FNDC3A: variants seen among roughly 807,000 people sequenced by gnomAD.
The protein encoded by FNDC3A is fibronectin type-III domain-containing protein 3A.
A neutral mutation model predicts 148.9 loss-of-function variants in FNDC3A; 32 were observed. That is an observed-to-expected ratio of 0.21 (90% CI 0.16 to 0.29). The LOEUF (loss-of-function observed/expected upper bound fraction) is 0.29, where lower values mean the gene tolerates loss of function less well. Ranked by LOEUF, FNDC3A falls within the 10% of genes least tolerant of loss-of-function variation. The pLI is 1.00. For synonymous variants in FNDC3A, 472 were observed against 473.6 expected, an observed-to-expected ratio of 1.00 and a Z score of 0.04; for missense variants, 1,191 against 1,452.8, an observed-to-expected ratio of 0.82 and a Z score of 2.93.
At chr13:49,185,824 C>G (rs1885538461) in intron 14 of FNDC3A, 140 bp from the exon 15 acceptor site, 1 of 633,952 alleles carries the variant, frequency 1.6e-6, no homozygotes, top group Non-Finnish European at 2.8e-6. Context: ...AAGCAATTCT[C>G]AAAGAACAAG....
chr13:49,182,629 T>G (rs954028485), intron 14 of FNDC3A, among the ~76,000 whole-genome samples: 1 of 152,184 alleles, frequency 6.6e-6, no homozygotes, highest in African/African-American at 2.4e-5. Flanking sequence ...CTTTAGATAC[T>G]TTCACTTTCA....
At chr13:49,159,515 C>T (rs551280771) in intron 8 of FNDC3A, among the ~76,000 whole-genome samples, 15 of 152,246 alleles carry the variant, frequency 9.9e-5, no homozygotes, top group South Asian at 4.1e-4. Flanking sequence ...AAGGAGGTTT[C>T]GGGCTGAGAC....
Position 49,006,200 on chromosome 13 carries a change from C to T in FNDC3A, c.10C>T (p.His4Tyr). 1 of 1,588,040 alleles carries T rather than the reference C, an allele frequency of 6.3e-7. No individual in the cohort carries two copies. Among genetic ancestry groups the T allele is most frequent in the Non-Finnish European group, 8.6e-7 (1 of 1,158,720 alleles). ...TAATGTCTTATTGATAATGGCAGAA[C>T]ATCCACCACTACTGGATACAACTCA... MAE[H>Y]PPLLDTTQIL... is the part of the protein sequence containing the mutation. The change falls in exon 2 of 26, where the codon CAT becomes TAT. Residue 4 changes from histidine to tyrosine, a missense_variant. Coordinates refer to ENST00000492622, the MANE Select transcript of FNDC3A (RefSeq NM_001079673.2).
intron 2 of FNDC3A, among the ~76,000 whole-genome samples, chr13:49,029,660 C>G (rs902792631): frequency 6.6e-6 from 1 of 152,052 alleles, no homozygotes; most frequent in Non-Finnish European, 1.5e-5. Context: ...ATTGCCAACC[C>G]TTTTAAGTAG....
rs757183242 is a variant in FNDC3A at position 49,174,431 on chromosome 13, G to A, written c.1231-4G>A. 6 of 1,607,812 alleles carry A rather than the reference G, an allele frequency of 3.7e-6. No homozygotes were observed. The highest frequency in any genetic ancestry group is 2.2e-5 in the East Asian group (1 of 44,784). On this transcript the variant is annotated splice_region_variant and splice_polypyrimidine_tract_variant and intron_variant, in intron 11 of 25. Transcript: ENST00000492622. ...GGTATATAATAATCAGCCATTTCTT[G>A]TAGGGAAAAGGAAATGGAGAATTTT...
At chr13:49,200,420 T>C in intron 23 of FNDC3A, among the ~76,000 whole-genome samples, 1 of 152,190 alleles carries the variant, frequency 6.6e-6, no homozygotes, top group East Asian at 1.9e-4. Flanking sequence ...ATGTAATCTT[T>C]GTAGCCTTAT....
At chr13:49,059,863 C>T (rs1876536646) in intron 2 of FNDC3A, among the ~76,000 whole-genome samples, 1 of 152,148 alleles carries the variant, frequency 6.6e-6, no homozygotes. Context: ...GGGCAAATGA[C>T]TTGAAAAACT....
chr13:49,207,281 C>T lies in FNDC3A; in HGVS notation c.3483C>T (p.Ser1161=). Residue 1161 remains serine (S), a synonymous_variant, in exon 26 of 26, where the codon AGC becomes AGT. Coordinates refer to ENST00000492622, the MANE Select transcript of FNDC3A (RefSeq NM_001079673.2). ...PASTNRDTVE[S]TRTRRALSDE... ...GCACCAACAGAGACACTGTGGAAAG[C>T]ACAAGGACCCGACGGGCACTGAGTG... 6.2e-7 allele frequency: 1 copy of T among 1,614,210 alleles called. No homozygotes were observed. The highest frequency in any genetic ancestry group is 8.5e-7 in the Non-Finnish European group (1 of 1,180,002).
At chr13:49,087,582 A>G (rs1878897961) in intron 3 of FNDC3A, among the ~76,000 whole-genome samples, 1 of 152,152 alleles carries the variant, frequency 6.6e-6, no homozygotes, top group East Asian at 1.9e-4. Context: ...GAAAGATTAG[A>G]TAATTTTAAA....
intron 9 of FNDC3A, among the ~76,000 whole-genome samples, chr13:49,167,970 G>A (rs886817426): frequency 4.6e-5 from 7 of 151,930 alleles, no homozygotes; most frequent in African/African-American, 9.7e-5. Context: ...TTTAGGGTTC[G>A]GGATACCAAG....
chr13:49,131,497 C>G, intron 5 of FNDC3A, 123 bp downstream of exon 5: 1 of 753,140 alleles, frequency 1.3e-6, no homozygotes, highest in Non-Finnish European at 2.3e-6. Context: ...AGGCATTTTT[C>G]TTTTACTCAA....
intron 7 of FNDC3A, 92 bp downstream of exon 7, chr13:49,138,897 T>C: frequency 1.5e-6 from 1 of 664,150 alleles, no homozygotes. Flanking sequence ...CTTTTAACTT[T>C]TTATGAAAAT....
intron 7 of FNDC3A, among the ~76,000 whole-genome samples, chr13:49,142,457 C>T (rs1882743258): frequency 6.6e-6 from 1 of 152,128 alleles, no homozygotes; most frequent in African/African-American, 2.4e-5. Flanking sequence ...TTTATTATTT[C>T]ACTATAAGTT....
chr13:49,101,694 G>A (rs1365186033), intron 3 of FNDC3A, among the ~76,000 whole-genome samples: 2 of 151,490 alleles, frequency 1.3e-5, no homozygotes, highest in African/African-American at 4.9e-5. Flanking sequence ...TGTTCATTTT[G>A]CAACTATATT....
intron 3 of FNDC3A, among the ~76,000 whole-genome samples, chr13:49,078,816 G>A (rs1307910910): frequency 6.6e-6 from 1 of 152,174 alleles, no homozygotes; most frequent in Admixed American, 6.5e-5. Context: ...CAGATAACAA[G>A]GAGAAAGAGA....
intron 1 of FNDC3A, among the ~76,000 whole-genome samples, chr13:49,002,703 C>G (rs1353107712): frequency 6.6e-6 from 1 of 152,096 alleles, no homozygotes; most frequent in African/African-American, 2.4e-5. Context: ...AATTATGTAG[C>G]CTGTATTCTT....
intron 7 of FNDC3A, 47 bp from the exon 8 acceptor site, chr13:49,145,731 T>C (rs1328556956): frequency 6.7e-7 from 1 of 1,485,920 alleles, no homozygotes; most frequent in Admixed American, 1.7e-5. Context: ...GCTCATTGTA[T>C]ACATTACAGT....
intron 4 of FNDC3A, 115 bp downstream of exon 4, chr13:49,114,846 T>A: frequency 1.3e-6 from 1 of 782,566 alleles, no homozygotes; most frequent in Non-Finnish European, 2.2e-6. Flanking sequence ...TACCAAGTGT[T>A]GTGTATCTAT....
chr13:49,115,120 A>G (rs17476884), intron 4 of FNDC3A, among the ~76,000 whole-genome samples: 10,447 of 148,440 alleles, frequency 0.07, 484 homozygotes, highest in Middle Eastern at 0.14. Context: ...AATCTCAGAC[A>G]CTGTTGATAA....
Sources: allele counts gnomAD v4.1 joint callset (sites outside exome capture counted in the v4.1 genomes callset), GRCh38; gene constraint gnomAD v4.1.1; transcripts MANE v1.5; gene names NCBI Gene and HGNC (gene_info 2026-07-23, HGNC 2026-07-21).